UBXN4: variants seen among roughly 807,000 people sequenced by gnomAD.
UBXN4 encodes the protein UBX domain-containing protein 4.
A neutral mutation model predicts 66.2 loss-of-function variants in UBXN4; 35 were observed. That is an observed-to-expected ratio of 0.53 (90% CI 0.40 to 0.70). UBXN4 has a LOEUF of 0.70. UBXN4 is among the 30% of genes least tolerant of loss of function. The pLI, the probability that UBXN4 is intolerant of heterozygous loss-of-function variation, is 0.00. For synonymous variants in UBXN4, 203 were observed against 204.5 expected (o/e 0.99, Z 0.06); for missense variants, 533 against 599.8 (o/e 0.89, Z 1.16).
intron 5 of UBXN4, among the ~76,000 whole-genome samples, chr2:135,760,152 A>G (rs1209734193): frequency 6.6e-6 from 1 of 152,148 alleles, no homozygotes; most frequent in Non-Finnish European, 1.5e-5. Flanking sequence ...ATAAAGTTAC[A>G]CATGGGCCAG....
At chr2:135,769,884 T>TTAC in intron 7 of UBXN4, 61 bp downstream of exon 7, 13 of 861,258 alleles carry the variant, frequency 1.5e-5, no homozygotes, top group Non-Finnish European at 2.3e-5. Context: ...TGATTGATTA[T>TTAC]TCTATTCAGT....
intron 6 of UBXN4, 47 bp from the exon 7 acceptor site, chr2:135,769,716 TATATTA>T: frequency 7.5e-7 from 1 of 1,338,764 alleles, no homozygotes; most frequent in South Asian, 1.4e-5. Context: ...AAATGTGTTT[TATATTA>T]ATATGATGTG....
In UBXN4 at chr2:135,782,769, T is replaced by C; in HGVS notation, c.1409T>C (p.Val470Ala). 1 of 1,613,604 alleles carries C rather than the reference T, an allele frequency of 6.2e-7. No individual in the cohort carries two copies. The highest frequency in any genetic ancestry group is 8.5e-7 in the Non-Finnish European group (1 of 1,179,852). ...ATCAGGGAACCAGTGAGAAAAAGAG[T>C]GCTGGAAAAACGTGGAGACGACTTT... is the stretch of plus-strand genomic sequence containing the variant. ...SEKREPVRKRVLEKRGDDFKK... is the reference protein window; with the variant it reads ...SEKREPVRKRALEKRGDDFKK... Residue 470 changes from valine (V) to alanine (A), a missense_variant, in exon 13 of 13, where the codon GTG becomes GCG. By Grantham distance (64) the Val-to-Ala change is moderately conservative. Transcript: ENST00000272638.
intron 5 of UBXN4, among the ~76,000 whole-genome samples, chr2:135,756,924 A>G (rs879821555): frequency 7.9e-5 from 12 of 152,152 alleles, no homozygotes; most frequent in Non-Finnish European, 1.5e-4. Context: ...GTCTCCACAA[A>G]TTCTGATTGT....
chr2:135,755,415 C>A, intron 4 of UBXN4, 102 bp from the exon 5 acceptor site: 1 of 862,532 alleles, frequency 1.2e-6, no homozygotes, highest in Non-Finnish European at 1.6e-6. Flanking sequence ...TTTCGTATTT[C>A]TCTTTTTATA....
intron 10 of UBXN4, among the ~76,000 whole-genome samples, chr2:135,776,654 T>C (rs2077416804): frequency 6.6e-6 from 1 of 152,194 alleles, no homozygotes; most frequent in South Asian, 2.1e-4. Context: ...AGTGCAGTGG[T>C]GCGATCACAG....
At chr2:135,767,779 G>A (rs574993752) in intron 6 of UBXN4, among the ~76,000 whole-genome samples, 1 of 152,182 alleles carries the variant, frequency 6.6e-6, no homozygotes, top group Non-Finnish European at 1.5e-5. Flanking sequence ...TATATATGAA[G>A]AAGCGGGAAT....
intron 12 of UBXN4, among the ~76,000 whole-genome samples, chr2:135,781,980 A>G (rs2077453737): frequency 6.6e-6 from 1 of 152,210 alleles, no homozygotes; most frequent in Non-Finnish European, 1.5e-5. Flanking sequence ...AAGCTGGGGC[A>G]GGAGGATTGT....
chr2:135,778,582 C>G (rs1238016770), intron 10 of UBXN4, among the ~76,000 whole-genome samples: 2 of 152,094 alleles, frequency 1.3e-5, no homozygotes, highest in Non-Finnish European at 2.9e-5. Flanking sequence ...TACCTGTAAT[C>G]CAAATGTGTG....
chr2:135,762,226 G>T (rs1310243410), intron 6 of UBXN4, among the ~76,000 whole-genome samples: 1 of 152,202 alleles, frequency 6.6e-6, no homozygotes, highest in Non-Finnish European at 1.5e-5. Context: ...ATAAGCTCCA[G>T]ATGGGCAAGA....
intron 10 of UBXN4, among the ~76,000 whole-genome samples, chr2:135,778,375 G>A (rs1410228850): frequency 6.6e-6 from 1 of 152,052 alleles, no homozygotes; most frequent in Non-Finnish European, 1.5e-5. Context: ...GATTTTACAA[G>A]TGATTTTTGT....
rs2077175136 is a variant in UBXN4, at chr2:135,741,855, G to C, written c.-75G>C. 1 of 1,516,370 alleles carries C rather than the reference G, an allele frequency of 6.6e-7. No homozygotes were observed. Among genetic ancestry groups the C allele is most frequent in the Non-Finnish European group, 8.9e-7 (1 of 1,121,274 alleles). The allele number at this position is 1,516,370 out of a possible 1,614,324, so 93.9% of individuals were successfully genotyped here. On this transcript the variant is annotated 5_prime_UTR_variant, in exon 1 of 13. Transcript: ENST00000272638. ...GGTTGCGGGGGCCGCAGAGCCGGACGAAGACGGAGGGCGGAGCCGGCTTCG... is the reference window on the plus strand; with the variant it reads ...GGTTGCGGGGGCCGCAGAGCCGGACCAAGACGGAGGGCGGAGCCGGCTTCG...
intron 3 of UBXN4, 75 bp from the exon 4 acceptor site, chr2:135,754,084 C>T: frequency 1.3e-5 from 13 of 1,029,690 alleles, no homozygotes; most frequent in East Asian, 5.0e-5. Context: ...ATTTGTTTTC[C>T]TTTGTTACCA....
chr2:135,765,241 C>G (rs1426522325), intron 6 of UBXN4, among the ~76,000 whole-genome samples: 3 of 148,898 alleles, frequency 2.0e-5, no homozygotes, highest in Non-Finnish European at 4.5e-5. Context: ...TGGAGTTTTG[C>G]TCTTGTCGCC....
intron 5 of UBXN4, among the ~76,000 whole-genome samples, chr2:135,759,766 A>ATTTTTTTTTTTTTTTTTTT (rs10660396): frequency 1.1e-5 from 1 of 93,444 alleles, no homozygotes. Context: ...TCAATCCAGA[A>ATTTTTTTTTTTTTTTTTTT]TTTTTTTTTT....
chr2:135,782,546 A>G (rs1169715209), intron 12 of UBXN4, among the ~76,000 whole-genome samples: 2 of 152,194 alleles, frequency 1.3e-5, no homozygotes, highest in African/African-American at 4.8e-5. Flanking sequence ...TGACTTAGAG[A>G]TCAGATGAAG....
At chr2:135,780,619 C>CT (rs1289759587) in intron 12 of UBXN4, among the ~76,000 whole-genome samples, 2 of 152,228 alleles carry the variant, frequency 1.3e-5, no homozygotes, top group African/African-American at 4.8e-5. Context: ...AGCTTCACCT[C>CT]TACTGGTTTA....
intron 6 of UBXN4, among the ~76,000 whole-genome samples, chr2:135,764,060 GT>G (rs2077332785): frequency 1.3e-5 from 2 of 152,184 alleles, no homozygotes; most frequent in African/African-American, 4.8e-5. Flanking sequence ...GGATGCAGAG[GT>G]TGCAGTGAGC....
chr2:135,756,400 T>C (rs770224266), intron 5 of UBXN4, among the ~76,000 whole-genome samples: 1 of 152,226 alleles, frequency 6.6e-6, no homozygotes, highest in Non-Finnish European at 1.5e-5. Flanking sequence ...GTTCTGTTGT[T>C]GAACAGCTCT....
Sources: gnomAD v4.1 joint callset for allele counts (sites outside exome capture counted in the v4.1 genomes callset) on GRCh38, gnomAD v4.1.1 for gene constraint, MANE v1.5 for transcripts, NCBI Gene and HGNC (gene_info 2026-07-23, HGNC 2026-07-21) for gene names.